LY96: variants seen among roughly 807,000 people sequenced by gnomAD.
The protein encoded by LY96 is lymphocyte antigen 96, also known as myeloid differentiation protein-2.
In LY96, 18 loss-of-function variants were observed where a neutral mutation model predicts 18.9. That is an observed-to-expected ratio of 0.95 (90% CI 0.66 to 1.41). LY96 has a LOEUF of 1.41. LY96 is among the 40% of genes most tolerant of loss of function. The probability of loss-of-function intolerance (pLI) is 0.00; values close to 1 mark genes in which losing one functional copy is unlikely to be tolerated. For missense variants in LY96, 175 were observed against 182.4 expected, an observed-to-expected ratio of 0.96 and a Z score of 0.23; for synonymous variants, 66 against 62.6, an observed-to-expected ratio of 1.06 and a Z score of -0.26.
chr8:74,050,123 A>G, the LY96 span, among the ~76,000 whole-genome samples: 27 of 152,152 alleles, frequency 1.8e-4, no homozygotes, highest in Non-Finnish European at 3.1e-4. Flanking sequence ...CACATGGATC[A>G]CCTGAGGTCA....
At chr8:74,050,806 G>A in the LY96 span, among the ~76,000 whole-genome samples, 1 of 152,042 alleles carries the variant, frequency 6.6e-6, no homozygotes, top group Non-Finnish European at 1.5e-5. Flanking sequence ...GGTGGATCAC[G>A]AGGTCAGGAG....
chr8:73,992,875 T>TGTGTGTGTGTGTGA (rs1554600467), intron 1 of LY96, among the ~76,000 whole-genome samples: 10 of 150,688 alleles, frequency 6.6e-5, no homozygotes, highest in South Asian at 4.2e-4. Context: ...TGTGTGTGTG[T>TGTGTGTGTGTGTGA]GACAGAGTTT....
intron 1 of LY96, among the ~76,000 whole-genome samples, chr8:73,996,280 T>C (rs28718132): frequency 0.18 from 27,855 of 151,614 alleles, 3,113 homozygotes; most frequent in African/African-American, 0.31. Context: ...TGGAATTACA[T>C]GCATGAGCCA....
At chr8:74,068,379 G>C in the LY96 span, among the ~76,000 whole-genome samples, 12 of 152,244 alleles carry the variant, frequency 7.9e-5, no homozygotes, top group South Asian at 2.5e-3. Flanking sequence ...CCTTTTGACA[G>C]ACATTTGGAT....
At chr8:74,095,330 C>T in the LY96 span, among the ~76,000 whole-genome samples, 12 of 152,198 alleles carry the variant, frequency 7.9e-5, no homozygotes, top group East Asian at 1.9e-4. Context: ...TTTTCCTACA[C>T]GCACAGAAGC....
chr8:74,063,157 G>A, the LY96 span, among the ~76,000 whole-genome samples: 1 of 152,164 alleles, frequency 6.6e-6, no homozygotes, highest in African/African-American at 2.4e-5. Context: ...TCAGCTCCTT[G>A]TAACATGGAC....
chr8:74,057,035 C>G, the LY96 span, among the ~76,000 whole-genome samples: 12 of 152,270 alleles, frequency 7.9e-5, no homozygotes, highest in South Asian at 2.5e-3. Flanking sequence ...CCATTTGCCC[C>G]AAGCACAGAC....
chr8:74,081,113 CTTTCTTTCT>C, the LY96 span, among the ~76,000 whole-genome samples: 8 of 137,006 alleles, frequency 5.8e-5, no homozygotes, highest in Admixed American at 2.3e-4. Flanking sequence ...TTCTTTCTTT[CTTTCTTTCT>C]TTCCTTCCTT....
At chr8:74,010,783 G>A (rs1007449982) in intron 3 of LY96, among the ~76,000 whole-genome samples, 4 of 151,928 alleles carry the variant, frequency 2.6e-5, no homozygotes, top group South Asian at 2.1e-4. Context: ...GTTTGCAGTG[G>A]CTTAGTAATG....
the LY96 span, among the ~76,000 whole-genome samples, chr8:74,075,974 C>G: frequency 6.6e-6 from 1 of 152,234 alleles, no homozygotes; most frequent in Admixed American, 6.5e-5. Flanking sequence ...GCAGTCCTGG[C>G]AAAACCTTGG....
At chr8:74,068,200 A>G in the LY96 span, among the ~76,000 whole-genome samples, 13 of 150,632 alleles carry the variant, frequency 8.6e-5, no homozygotes, top group African/African-American at 3.2e-4. Flanking sequence ...CTGTCTCTGT[A>G]TATCAGATTT....
At chr8:74,055,986 T>C in the LY96 span, 1 of 152,928 alleles carries the variant, frequency 6.5e-6, no homozygotes, top group Non-Finnish European at 1.5e-5. Context: ...AATGTGAAAG[T>C]ACCAGCTATG....
chr8:74,050,917 G>A, the LY96 span, among the ~76,000 whole-genome samples: 2 of 152,332 alleles, frequency 1.3e-5, no homozygotes, highest in East Asian at 1.9e-4. Flanking sequence ...CAGCTACTCA[G>A]GAGGCTGAGG....
At chr8:74,053,634 T>C in the LY96 span, among the ~76,000 whole-genome samples, 1 of 152,248 alleles carries the variant, frequency 6.6e-6, no homozygotes, top group Non-Finnish European at 1.5e-5. Flanking sequence ...CTAGAATGAA[T>C]ACCCTTTCCT....
chr8:74,096,401 G>A, the LY96 span, among the ~76,000 whole-genome samples: 276 of 152,202 alleles, frequency 1.8e-3, 2 homozygotes, highest in African/African-American at 5.9e-3. Context: ...CTTTCTAGAT[G>A]TGTTTCTATT....
chr8:74,077,981 G>A, the LY96 span, among the ~76,000 whole-genome samples: 3 of 152,160 alleles, frequency 2.0e-5, no homozygotes, highest in East Asian at 5.8e-4. Context: ...GGTGGCACAT[G>A]CCTGTAGCCT....
the LY96 span, among the ~76,000 whole-genome samples, chr8:74,059,169 C>G: frequency 6.6e-6 from 1 of 152,204 alleles, no homozygotes; most frequent in Non-Finnish European, 1.5e-5. Context: ...AATCAGATAT[C>G]TGAGCATACT....
chr8:74,081,101 C>T, the LY96 span, among the ~76,000 whole-genome samples: 2 of 130,756 alleles, frequency 1.5e-5, no homozygotes, highest in African/African-American at 3.1e-5. Flanking sequence ...TTCTTTCTTT[C>T]TTTCTTTCTT....
chr8:74,021,940 A>C (rs773975579), intron 3 of LY96, among the ~76,000 whole-genome samples: 2 of 151,898 alleles, frequency 1.3e-5, no homozygotes, highest in Non-Finnish European at 2.9e-5. Flanking sequence ...GGGCTGGGGG[A>C]GGGATAGCAT....
Sources: allele counts gnomAD v4.1 joint callset (sites outside exome capture counted in the v4.1 genomes callset), GRCh38; gene constraint gnomAD v4.1.1; transcripts MANE v1.5; gene names NCBI Gene and HGNC (gene_info 2026-07-23, HGNC 2026-07-21).